Variants in DNAH9 observed in about 807,000 individuals in gnomAD.
DNAH9 encodes the protein DNAH9 variant protein.
A neutral mutation model predicts 471.6 loss-of-function variants in DNAH9; 345 were observed. The observed-to-expected ratio is 0.73, with a 90% CI of 0.67 to 0.80. The LOEUF (loss-of-function observed/expected upper bound fraction) is 0.80, where lower values mean the gene tolerates loss of function less well. DNAH9 is among the 30% of genes least tolerant of loss of function. The pLI is 0.00. For synonymous variants in DNAH9, 2,093 were observed against 2,123.6 expected, an observed-to-expected ratio of 0.99 and a Z score of 0.40; for missense variants, 5,407 against 5,609.2, an observed-to-expected ratio of 0.96 and a Z score of 1.15.
At chr17:11,755,343 T>C (rs1418264577) in intron 33 of DNAH9, among the ~76,000 whole-genome samples, 1 of 152,198 alleles carries the variant, frequency 6.6e-6, no homozygotes, top group African/African-American at 2.4e-5. Flanking sequence ...AAATAGTTTT[T>C]TCTAGTTCTG....
chr17:11,798,293 C>T (rs1332408240), intron 43 of DNAH9, among the ~76,000 whole-genome samples: 3 of 151,592 alleles, frequency 2.0e-5, no homozygotes, highest in African/African-American at 4.8e-5. Context: ...ATTAGCCAGG[C>T]GTGGTGGCAC....
chr17:11,769,357 G>T, intron 38 of DNAH9, 28 bp downstream of exon 38: 1 of 1,577,326 alleles, frequency 6.3e-7, no homozygotes, highest in Non-Finnish European at 8.6e-7. Flanking sequence ...CCTGGGGTGG[G>T]GGGCATCTGG....
At chr17:11,816,572 T>A (rs1597688162) in intron 45 of DNAH9, among the ~76,000 whole-genome samples, 1 of 152,222 alleles carries the variant, frequency 6.6e-6, no homozygotes, top group African/African-American at 2.4e-5. Context: ...AATTTTTTTT[T>A]AAACTATCAG....
At chr17:11,948,024 C>G (rs971388583) in intron 67 of DNAH9, among the ~76,000 whole-genome samples, 3 of 151,852 alleles carry the variant, frequency 2.0e-5, no homozygotes, top group South Asian at 4.2e-4. Context: ...CTCGGCCTCC[C>G]AAAGTGCTGG....
Position 11,937,537 on chromosome 17 carries a change from G to T in DNAH9, c.12660+15G>T. The T allele has an allele frequency of 1.9e-6, 3 of 1,600,232 alleles. No homozygotes were observed. The highest frequency in any genetic ancestry group is 2.2e-5 in the South Asian group (2 of 89,800). Reference sequence around the variant, plus strand: ...GAGAAGAAAAGGTGTGTGTGGTGGGGACTGCCTGAGGTCGTTCTGGGGGAC... The same window carrying T: ...GAGAAGAAAAGGTGTGTGTGGTGGGTACTGCCTGAGGTCGTTCTGGGGGAC... On this transcript the variant is annotated intron_variant, in intron 66 of 68. Transcript: ENST00000262442. The surrounding 1 kb of genome is among the most constrained non-coding windows in gnomAD (Gnocchi z 4.1).
rs565008527 is a variant in DNAH9 at position 11,712,236 on chromosome 17, C to T, written c.5552+7051C>T. ...TAAAAACTCCCATATTTTTTAGGTT[C>T]ACTCATGGCAGAGCATGTGTCTGTA... On this transcript the variant is annotated intron_variant, in intron 26 of 68. Coordinates refer to ENST00000262442, the MANE Select transcript of DNAH9 (RefSeq NM_001372.4). 4.3e-4 allele frequency among the ~76,000 whole-genome samples: 63 copies of T among 147,504 alleles called. 1 individual carries two copies. In the Middle Eastern group the frequency reaches 0.021, roughly 50 times the overall value.
chr17:11,693,764 T>G (rs568371066), intron 20 of DNAH9, 104 bp from the exon 21 acceptor site: 431 of 1,235,680 alleles, frequency 3.5e-4, no homozygotes, highest in Non-Finnish European at 4.2e-4. Context: ...TTCTCTGTAT[T>G]TGACAACCCA....
intron 38 of DNAH9, 31 bp downstream of exon 38, chr17:11,769,360 G>C (rs1306629688): frequency 6.4e-7 from 1 of 1,571,186 alleles, no homozygotes. Flanking sequence ...GGGGTGGGGG[G>C]CATCTGGGTG....
Position 11,598,602 on chromosome 17 carries a change from G to T in DNAH9, c.104G>T (p.Ser35Ile). 1 of 1,341,194 alleles carries T rather than the reference G, an allele frequency of 7.5e-7. No individual in the cohort carries two copies. Among genetic ancestry groups the T allele is most frequent in the Non-Finnish European group, 9.5e-7 (1 of 1,048,734 alleles). The allele number at this position is 1,341,194 out of a possible 1,614,324, so 83.1% of individuals were successfully genotyped here. ...CTCCTGGGGACCTACGTGGCCATGA[G>T]CCTGCGGCCGGCTGCGGGCGCCTGG... ...LRLLGTYVAM[S>I]LRPAAGAWER... Residue 35 changes from serine to isoleucine, a missense_variant, in exon 1 of 69, where the codon AGC becomes ATC. Ser to Ile is a moderately radical substitution (Grantham distance 142, BLOSUM62 -2). This residue lies in a region of DNAH9 where 767 missense variants were observed against 692.5 expected (regional missense o/e 1.11). Transcript: ENST00000262442.
In DNAH9 at chr17:11,783,729, C is replaced by T; in HGVS notation, c.7802C>T (p.Thr2601Ile). The change falls in exon 40 of 69, where the codon ACC (threonine) becomes ATC (isoleucine). Residue 2601 changes from threonine to isoleucine, a missense_variant. Transcript: ENST00000262442. ...ATGAACCCCACGGCAGGCAGCTTCA[C>T]CATCAACCCCCGGCTTCAGGTACAG... ...SCMNPTAGSF[T>I]INPRLQRHFS... 1 of 1,613,980 alleles carries T rather than the reference C, an allele frequency of 6.2e-7. No homozygotes were observed. Among genetic ancestry groups the T allele is most frequent in the East Asian group, 2.2e-5 (1 of 44,890 alleles).
chr17:11,622,554 C>T (rs1472441776), intron 6 of DNAH9, among the ~76,000 whole-genome samples: 9 of 152,112 alleles, frequency 5.9e-5, no homozygotes, highest in East Asian at 3.9e-4. Flanking sequence ...TGCCTGGCAG[C>T]GGCCATGTTT....
At chr17:11,948,825 G>GA (rs1212111449) in intron 67 of DNAH9, among the ~76,000 whole-genome samples, 1 of 152,176 alleles carries the variant, frequency 6.6e-6, no homozygotes, top group Admixed American at 6.5e-5. Context: ...TCATAGGGTA[G>GA]AAAAAACAGA....
intron 43 of DNAH9, among the ~76,000 whole-genome samples, chr17:11,805,484 C>T (rs909062439): frequency 3.9e-4 from 54 of 136,764 alleles, no homozygotes; most frequent in African/African-American, 1.4e-3. Context: ...CAATCTCAAA[C>T]GTATCCTCTA....
chr17:11,888,193 C>G (rs1249790259), intron 57 of DNAH9, among the ~76,000 whole-genome samples: 2 of 151,834 alleles, frequency 1.3e-5, no homozygotes, highest in Non-Finnish European at 2.9e-5. Flanking sequence ...ACTGTGTTAG[C>G]CAGGATGGTC....
intron 27 of DNAH9, among the ~76,000 whole-genome samples, chr17:11,722,335 G>T (rs1438254351): frequency 6.6e-6 from 1 of 152,218 alleles, no homozygotes; most frequent in East Asian, 1.9e-4. Flanking sequence ...GGAACTGCAG[G>T]CTTCGGAACT....
chr17:11,767,277 C>T (rs1967991709), intron 36 of DNAH9, among the ~76,000 whole-genome samples: 1 of 152,100 alleles, frequency 6.6e-6, no homozygotes, highest in Non-Finnish European at 1.5e-5. Context: ...GGTCTTGAAG[C>T]GTATTATCTA....
intron 45 of DNAH9, among the ~76,000 whole-genome samples, chr17:11,812,534 G>A (rs1969964695): frequency 6.6e-6 from 1 of 152,074 alleles, no homozygotes; most frequent in Non-Finnish European, 1.5e-5. Flanking sequence ...ATGCCATCAT[G>A]CTGTCATTTT....
chr17:11,693,823 A>G, intron 20 of DNAH9, 45 bp from the exon 21 acceptor site: 1 of 1,612,162 alleles, frequency 6.2e-7, no homozygotes, highest in East Asian at 2.2e-5. Flanking sequence ...GCTTCTAGGA[A>G]CTGAGTGGAG....
chr17:11,917,387 C>G (rs561686220), intron 61 of DNAH9, among the ~76,000 whole-genome samples: 1 of 152,228 alleles, frequency 6.6e-6, no homozygotes, highest in South Asian at 2.1e-4. Context: ...GGACTCCTGA[C>G]CTCAGGTGAT....
Sources: gnomAD v4.1 joint callset for allele counts (sites outside exome capture counted in the v4.1 genomes callset) on GRCh38, gnomAD v4.1.1 for gene constraint, gnomAD v4.1.1 regional missense constraint, Gnocchi (gnomAD v3.1) non-coding constraint, MANE v1.5 for transcripts, NCBI Gene and HGNC (gene_info 2026-07-23, HGNC 2026-07-21) for gene names.